Variants in ARHGAP22 observed in about 807,000 individuals in gnomAD.
ARHGAP22 encodes Rho GTPase activating protein 22, also known as rho GTPase-activating protein 22.
A neutral mutation model predicts 59.1 loss-of-function variants in ARHGAP22; 48 were observed. The ratio of observed to expected loss-of-function variants is 0.81; its 90% CI spans 0.64 to 1.03. The LOEUF (loss-of-function observed/expected upper bound fraction) is 1.03. Among genes scored for constraint, ARHGAP22 ranks in the 50% least tolerant of loss-of-function variants. The pLI is 0.00. For missense variants in ARHGAP22, 1,015 were observed against 958.7 expected, an observed-to-expected ratio of 1.06 and a Z score of -0.78; for synonymous variants, 445 against 416.4, an observed-to-expected ratio of 1.07 and a Z score of -0.84.
At chr10:48,575,197 G>A (rs1395042382) in intron 2 of ARHGAP22, 1 of 152,182 alleles carries the variant, frequency 6.6e-6, no homozygotes, top group Non-Finnish European at 1.5e-5. Context: ...TCCAGAAGCT[G>A]AGCAGAGGTC....
chr10:48,499,100 G>A (rs2051248216), intron 3 of ARHGAP22, among the ~76,000 whole-genome samples: 1 of 152,206 alleles, frequency 6.6e-6, no homozygotes, highest in Admixed American at 6.5e-5. Flanking sequence ...AGCGGGTGAA[G>A]GGGCAGGGGG....
chr10:48,459,144 C>T (rs1195442354), intron 5 of ARHGAP22, among the ~76,000 whole-genome samples: 1 of 151,992 alleles, frequency 6.6e-6, no homozygotes, highest in Non-Finnish European at 1.5e-5. Context: ...GTATAGTTGG[C>T]TCCACCCAGG....
downstream of ARHGAP22, chr10:48,445,654 A>T (rs557390740): frequency 6.6e-6 from 1 of 152,634 alleles, no homozygotes; most frequent in Admixed American, 6.5e-5. Flanking sequence ...GCCCTCCTGT[A>T]GAGTGGCCAC....
chr10:48,455,762 G>C (rs2046436236), intron 5 of ARHGAP22, among the ~76,000 whole-genome samples: 1 of 152,232 alleles, frequency 6.6e-6, no homozygotes, highest in Non-Finnish European at 1.5e-5. Context: ...TGGCTGGAGT[G>C]GGAGGAGCTG....
intron 3 of ARHGAP22, among the ~76,000 whole-genome samples, chr10:48,497,351 C>T (rs759470561): frequency 2.0e-4 from 31 of 152,214 alleles, no homozygotes; most frequent in Non-Finnish European, 4.3e-4. Flanking sequence ...GGCAGCTGGG[C>T]TTTCTGCTTC....
chr10:48,529,123 C>A (rs1353637356), intron 3 of ARHGAP22, among the ~76,000 whole-genome samples: 1 of 152,184 alleles, frequency 6.6e-6, no homozygotes, highest in Non-Finnish European at 1.5e-5. Flanking sequence ...GGGTAGAAGA[C>A]ATGATGCAGC....
At chr10:48,547,137 C>T (rs1161316952) in intron 3 of ARHGAP22, among the ~76,000 whole-genome samples, 1 of 152,220 alleles carries the variant, frequency 6.6e-6, no homozygotes, top group Non-Finnish European at 1.5e-5. Flanking sequence ...TGGGCACAAA[C>T]AGGAAGATGG....
the ARHGAP22 span, chr10:48,439,007 A>C: frequency 1.3e-5 from 2 of 152,280 alleles, no homozygotes; most frequent in Non-Finnish European, 2.9e-5. Context: ...AGTTAGACTG[A>C]ATTACGTGTC....
chr10:48,515,702 T>C (rs1165990298), intron 3 of ARHGAP22, among the ~76,000 whole-genome samples: 1 of 152,212 alleles, frequency 6.6e-6, no homozygotes, highest in African/African-American at 2.4e-5. Context: ...TTTAAAGGAT[T>C]AACCAAAACA....
intron 1 of ARHGAP22, among the ~76,000 whole-genome samples, chr10:48,623,189 C>A (rs2061340346): frequency 6.6e-6 from 1 of 152,180 alleles, no homozygotes; most frequent in African/African-American, 2.4e-5. Flanking sequence ...TATCCTCCTG[C>A]CTTTAACCAG....
chr10:48,540,122 T>G (rs1390751296), intron 3 of ARHGAP22, among the ~76,000 whole-genome samples: 1 of 152,162 alleles, frequency 6.6e-6, no homozygotes, highest in Non-Finnish European at 1.5e-5. Context: ...GACAAATAAT[T>G]AAGAGTGTCA....
chr10:48,432,213 A>C, the ARHGAP22 span, among the ~76,000 whole-genome samples: 1 of 152,202 alleles, frequency 6.6e-6, no homozygotes, highest in African/African-American at 2.4e-5. Context: ...ATGCCATTTT[A>C]ATTCCTCAGA....
intron 2 of ARHGAP22, among the ~76,000 whole-genome samples, chr10:48,566,694 G>C (rs984998779): frequency 6.6e-6 from 1 of 152,194 alleles, no homozygotes; most frequent in African/African-American, 2.4e-5. Context: ...CTTCTTCACT[G>C]TGTCATGAGG....
chr10:48,645,490 T>C (rs544462836), intron 1 of ARHGAP22, among the ~76,000 whole-genome samples: 2 of 152,304 alleles, frequency 1.3e-5, no homozygotes, highest in South Asian at 4.1e-4. Flanking sequence ...ATGTTGTACA[T>C]CTATTACACA....
At chr10:48,507,234 C>G (rs1304683836) in intron 3 of ARHGAP22, among the ~76,000 whole-genome samples, 3 of 152,196 alleles carry the variant, frequency 2.0e-5, no homozygotes, top group Non-Finnish European at 1.5e-5. Flanking sequence ...CCTCATCCAT[C>G]TAGAGTCCAA....
At chr10:48,460,971 G>A (rs1225755932) in intron 4 of ARHGAP22, among the ~76,000 whole-genome samples, 1 of 152,208 alleles carries the variant, frequency 6.6e-6, no homozygotes, top group Non-Finnish European at 1.5e-5. Context: ...GCTGCAAGGA[G>A]CTGGGGACAG....
At position 48,446,531 on chromosome 10, in the gene ARHGAP22, C is replaced by T; in HGVS notation, c.1957G>A (p.Glu653Lys). The T allele has an allele frequency of 6.2e-7, 1 of 1,614,242 alleles. No homozygotes were observed. ...DQEKKKYIML[E>K]IKLRNSERAR... ...CGTTCAGAGTTCCGCAGCTTTATTT[C>T]CAGCATGATGTATTTTTTCTTTTCC... The change falls in exon 10 of 10, where the codon GAA becomes AAA. Residue 653 changes from glutamate (E) to lysine (K), a missense_variant. Glu to Lys is a moderately conservative substitution (Grantham distance 56, BLOSUM62 1). Coordinates refer to ENST00000249601, the MANE Select transcript of ARHGAP22 (RefSeq NM_021226.4).
intron 3 of ARHGAP22, among the ~76,000 whole-genome samples, chr10:48,490,719 G>C (rs928448626): frequency 6.6e-6 from 1 of 152,138 alleles, no homozygotes; most frequent in African/African-American, 2.4e-5. Flanking sequence ...CAGTCTCCCT[G>C]GTGGGCCCAT....
At chr10:48,483,801 A>G (rs1180504183) in intron 3 of ARHGAP22, among the ~76,000 whole-genome samples, 1 of 152,164 alleles carries the variant, frequency 6.6e-6, no homozygotes, top group Non-Finnish European at 1.5e-5. Flanking sequence ...CAGTTTGCAA[A>G]TATTTTTCTC....
Sources: allele counts gnomAD v4.1 joint callset (sites outside exome capture counted in the v4.1 genomes callset), GRCh38; gene constraint gnomAD v4.1.1; transcripts MANE v1.5; gene names NCBI Gene and HGNC (gene_info 2026-07-23, HGNC 2026-07-21).